The following LAT2 variants were observed in gnomAD, a reference collection of about 807,000 sequenced individuals.
LAT2 encodes linker for activation of T cells family member 2, also known as linker for activation of T-cells family member 2.
In LAT2, 23 loss-of-function variants were observed where a neutral mutation model predicts 43.4. The ratio of observed to expected loss-of-function variants is 0.53; its 90% CI spans 0.38 to 0.75. The LOEUF (loss-of-function observed/expected upper bound fraction) is 0.75, where lower values mean the gene tolerates loss of function less well. Ranked by LOEUF, LAT2 falls within the 30% of genes least tolerant of loss-of-function variation. LAT2 has a pLI of 0.00. For synonymous variants in LAT2, 128 were observed against 123.2 expected (o/e 1.04, Z -0.26); for missense variants, 284 against 310.2 (o/e 0.92, Z 0.64).
Position 74,214,645 on chromosome 7 carries a change from AAT to A in LAT2, c.-218-166_-218-165del, listed in dbSNP as rs1268137672. Reference sequence around the variant, plus strand: ...ATGAATATATATATATATATATGAAAATATATATATATGAAAATATATATATA... The same window carrying A: ...ATGAATATATATATATATATATGAAAATATATATATGAAAATATATATATA... On this transcript the variant is annotated intron_variant, in intron 1 of 13. Transcript: ENST00000460943. Among the ~76,000 whole-genome samples, 4 of 56,230 alleles carry A rather than the reference AAT, an allele frequency of 7.1e-5. No individual in the cohort carries two copies. In the South Asian group the frequency reaches 2.6e-3, roughly 37 times the overall value. 36.9% of individuals were successfully genotyped at this position (56,230 alleles called of 152,430 possible). A position where few individuals can be genotyped will look rare whatever the true frequency, so the allele number is the denominator to read the frequency against.
chr7:74,219,885 T>G (rs1802198049), intron 5 of LAT2, 75 bp from the exon 6 acceptor site: 9 of 1,598,808 alleles, frequency 5.6e-6, no homozygotes, highest in Non-Finnish European at 6.8e-6. Context: ...CCAGGCCTGA[T>G]GTGGGGGGAT....
intron 10 of LAT2, among the ~76,000 whole-genome samples, chr7:74,222,925 G>A (rs1353658949): frequency 6.6e-6 from 1 of 152,246 alleles, no homozygotes; most frequent in East Asian, 1.9e-4. Context: ...ATTTTGGGTG[G>A]GGCATCAGTC....
chr7:74,210,525 C>A (rs1179509857), intron 1 of LAT2, among the ~76,000 whole-genome samples: 1 of 152,180 alleles, frequency 6.6e-6, no homozygotes, highest in Non-Finnish European at 1.5e-5. Context: ...CACTGCCTCC[C>A]TGCCCAGCCC....
At chr7:74,228,042 G>C (rs535665043) in intron 13 of LAT2, among the ~76,000 whole-genome samples, 4 of 151,424 alleles carry the variant, frequency 2.6e-5, no homozygotes, top group Non-Finnish European at 5.9e-5. Context: ...CAGGTGTGGT[G>C]GCGTGTGCCT....
chr7:74,217,440 AAAAAG>A (rs1399389783), intron 4 of LAT2, among the ~76,000 whole-genome samples: 3 of 151,910 alleles, frequency 2.0e-5, no homozygotes, highest in Non-Finnish European at 4.4e-5. Flanking sequence ...CAGAAAAGAA[AAAAAG>A]AAAAGAAAAA....
chr7:74,220,475 C>A lies in LAT2; in HGVS notation c.266-109C>A. 1.4e-6 allele frequency: 2 copies of A among 1,453,484 alleles called. No homozygotes were observed. Among genetic ancestry groups the A allele is most frequent in the Non-Finnish European group, 1.9e-6 (2 of 1,045,062 alleles). The allele number at this position is 1,453,484 out of a possible 1,614,324, so 90.0% of individuals were successfully genotyped here. ...CCCACTGAGGGGACAGGGAGCACTG[C>A]AAAGGCTCAGACACGGGAAATAGCT... On this transcript the variant is annotated intron_variant, in intron 7 of 13. Coordinates refer to ENST00000460943, the MANE Select transcript of LAT2 (RefSeq NM_032464.3). The surrounding 1 kb of genome is among the most constrained non-coding windows in gnomAD (Gnocchi z 4.5).
At position 74,216,833 on chromosome 7, in the gene LAT2, A is replaced by G. The variant is rs782176185; in HGVS notation, c.103A>G (p.Arg35Gly). ...CVRCSRPGAK[R>G]SEKIYQQRSL... is the part of the protein sequence containing the mutation. ...CTGGCCTTTTCTTGCAGGTGCAAAGAGGTCAGAGAAAATCTACCAGCAGAG... is the reference window on the plus strand; with the variant it reads ...CTGGCCTTTTCTTGCAGGTGCAAAGGGGTCAGAGAAAATCTACCAGCAGAG... The change falls in exon 4 of 14, where the codon AGG (arginine) becomes GGG (glycine). Residue 35 changes from arginine (R) to glycine (G), a missense_variant. Coordinates refer to ENST00000460943, the MANE Select transcript of LAT2 (RefSeq NM_032464.3). The G allele has an allele frequency of 5.6e-6, 9 of 1,613,868 alleles. No homozygotes were observed. The South Asian group carries it at 9.9e-5, about 18-fold the overall frequency.
intron 1 of LAT2, among the ~76,000 whole-genome samples, chr7:74,211,183 G>A (rs1035907704): frequency 9.6e-5 from 13 of 135,698 alleles, no homozygotes; most frequent in African/African-American, 1.9e-4. Flanking sequence ...TCCACCCTCC[G>A]CTCCCTCCAC....
At chr7:74,218,158 T>C (rs1455193422) in intron 4 of LAT2, among the ~76,000 whole-genome samples, 3 of 152,150 alleles carry the variant, frequency 2.0e-5, no homozygotes, top group Non-Finnish European at 4.4e-5. Context: ...GTCTTCTCCC[T>C]GGAATGCCTG....
In LAT2 at chr7:74,224,182, T is replaced by G. The variant is rs1554715736; in HGVS notation, c.613T>G (p.Ser205Ala). 1.2e-6 allele frequency: 2 copies of G among 1,613,538 alleles called. No individual in the cohort carries two copies. The highest frequency in any genetic ancestry group is 2.2e-5 in the South Asian group (2 of 91,078). Residue 205 changes from serine (S) to alanine (A), a missense_variant, in exon 12 of 14, where the codon TCC becomes GCC. Physicochemically the swap from Ser to Ala is moderately conservative, Grantham distance 99 (BLOSUM62 1). Transcript: ENST00000460943. ...NSASIHQWRE[S>A]RKVMGQLQRE... ...AGCATCCATCCATCAGTGGCGCGAG[T>G]CCAGGAAGGTCATGGGTAGGTGGCC...
At chr7:74,212,952 C>T (rs759234008) in intron 1 of LAT2, among the ~76,000 whole-genome samples, 4 of 152,068 alleles carry the variant, frequency 2.6e-5, no homozygotes, top group Non-Finnish European at 4.4e-5. Context: ...GGCTCAGGGC[C>T]GCATGGAGAT....
intron 10 of LAT2, among the ~76,000 whole-genome samples, chr7:74,222,414 A>G (rs1279786421): frequency 6.7e-6 from 1 of 150,000 alleles, no homozygotes; most frequent in Non-Finnish European, 1.5e-5. Flanking sequence ...AAAAAAAAAA[A>G]TCCCCCCAAA....
rs1801981861 is a variant in LAT2 at position 74,214,877 on chromosome 7, T to C, written c.-163T>C. The stretch of plus-strand genomic sequence containing the variant: ...GTCTGGAGCTCTTGATCTCAAGCGA[T>C]CCTCCCTGCCTCGGCCTCCCAACGT... On this transcript the variant is annotated 5_prime_UTR_variant, in exon 2 of 14. Transcript: ENST00000460943. 1 of 142,404 alleles carries C rather than the reference T, an allele frequency of 7.0e-6. No individual in the cohort carries two copies. Among genetic ancestry groups the C allele is most frequent in the Non-Finnish European group, 1.5e-5 (1 of 66,904 alleles). 8.8% of individuals were successfully genotyped at this position (142,404 alleles called of 1,614,324 possible).
intron 1 of LAT2, among the ~76,000 whole-genome samples, chr7:74,210,445 C>T (rs1554712965): frequency 6.6e-6 from 1 of 152,222 alleles, no homozygotes; most frequent in African/African-American, 2.4e-5. Context: ...ACCCCCTACA[C>T]AGGTCAGGGG....
At chr7:74,211,424 C>T (rs1210527344) in intron 1 of LAT2, among the ~76,000 whole-genome samples, 6 of 152,150 alleles carry the variant, frequency 3.9e-5, no homozygotes, top group African/African-American at 1.2e-4. Context: ...ACTACAGGCA[C>T]GTGCTACCAC....
Position 74,229,086 on chromosome 7 carries a change from T to C in LAT2, c.*161T>C, listed in dbSNP as rs1802597744. ...AGCCACCCTGAGGACCACCTGGCCATGCGTGCACAGCCTGGGAAAAGACAG... is the reference window on the plus strand; with the variant it reads ...AGCCACCCTGAGGACCACCTGGCCACGCGTGCACAGCCTGGGAAAAGACAG... On this transcript the variant is annotated 3_prime_UTR_variant, in exon 14 of 14. Coordinates refer to ENST00000460943, the MANE Select transcript of LAT2 (RefSeq NM_032464.3). 1 of 152,236 alleles carries C rather than the reference T, an allele frequency of 6.6e-6. No homozygotes were observed. Among genetic ancestry groups the C allele is most frequent in the South Asian group, 2.1e-4 (1 of 4,834 alleles). 9.4% of individuals were successfully genotyped at this position (152,236 alleles called of 1,614,324 possible). A position where few individuals can be genotyped will look rare whatever the true frequency, so the allele number is the denominator to read the frequency against.
At chr7:74,219,344 T>C (rs1802173251) in intron 4 of LAT2, among the ~76,000 whole-genome samples, 1 of 152,198 alleles carries the variant, frequency 6.6e-6, no homozygotes, top group Admixed American at 6.5e-5. Flanking sequence ...GCTGGGTCCC[T>C]GAGCACCTGC....
intron 13 of LAT2, chr7:74,225,000 G>A (rs980561716): frequency 5.5e-6 from 2 of 364,404 alleles, no homozygotes; most frequent in South Asian, 3.1e-5. Context: ...CACCGGGTGG[G>A]TCTCCCAACT....
Position 74,220,593 on chromosome 7 carries a change from C to T in LAT2, c.275C>T (p.Ser92Phe), listed in dbSNP as rs782681458. The T allele has an allele frequency of 6.2e-7, 1 of 1,614,074 alleles. No individual in the cohort carries two copies. Among genetic ancestry groups the T allele is most frequent in the South Asian group, 1.1e-5 (1 of 91,088 alleles). Residue 92 changes from serine (S) to phenylalanine (F), a missense_variant, in exon 8 of 14, where the codon TCT becomes TTT. Physicochemically the swap from Ser to Phe is radical, Grantham distance 155 (BLOSUM62 -2). Transcript: ENST00000460943. The surrounding 1 kb of genome is among the most constrained non-coding windows in gnomAD (Gnocchi z 4.5). ...QFYPSLEDPA[S>F]SRYQNFSKGS... ...TGGGTCTTTCTTCCAGATCCAGCATCTTCCAGGTACCAGAACTTCAGCAAA... is the reference window on the plus strand; with the variant it reads ...TGGGTCTTTCTTCCAGATCCAGCATTTTCCAGGTACCAGAACTTCAGCAAA...
Sources: gnomAD v4.1 joint callset for allele counts (sites outside exome capture counted in the v4.1 genomes callset) on GRCh38, gnomAD v4.1.1 for gene constraint, Gnocchi (gnomAD v3.1) non-coding constraint, MANE v1.5 for transcripts, NCBI Gene and HGNC (gene_info 2026-07-23, HGNC 2026-07-21) for gene names.